SNTG1: variants seen among roughly 807,000 people sequenced by gnomAD.
SNTG1 encodes syntrophin gamma 1, also known as gamma-1-syntrophin.
A neutral mutation model predicts 74.7 loss-of-function variants in SNTG1; 39 were observed. The ratio of observed to expected loss-of-function variants is 0.52; its 90% CI spans 0.40 to 0.68. SNTG1 has a LOEUF of 0.68. Among genes scored for constraint, SNTG1 ranks in the 30% least tolerant of loss-of-function variants. The probability of loss-of-function intolerance (pLI) is 0.00; values close to 1 mark genes in which losing one functional copy is unlikely to be tolerated. For missense variants in SNTG1, 685 were observed against 609.5 expected (o/e 1.12, Z -1.30); for synonymous variants, 254 against 217.1 (o/e 1.17, Z -1.49).
intron 1 of SNTG1, among the ~76,000 whole-genome samples, chr8:50,088,693 T>G (rs894698574): frequency 2.2e-5 from 3 of 139,504 alleles, no homozygotes; most frequent in Admixed American, 7.7e-5. Context: ...GAATCCAACT[T>G]ACAAGGGATG....
intron 13 of SNTG1, among the ~76,000 whole-genome samples, chr8:50,631,790 A>G (rs1404360822): frequency 6.6e-6 from 1 of 152,208 alleles, no homozygotes; most frequent in African/African-American, 2.4e-5. Context: ...TCTATGGTTT[A>G]AGAGACCTAT....
intron 2 of SNTG1, among the ~76,000 whole-genome samples, chr8:50,300,079 A>G (rs888198405): frequency 6.6e-6 from 1 of 152,158 alleles, no homozygotes; most frequent in African/African-American, 2.4e-5. Flanking sequence ...TAGTTTTAGT[A>G]TCTCATTCAC....
At chr8:50,432,562 A>T (rs1350208391) in intron 4 of SNTG1, among the ~76,000 whole-genome samples, 1 of 152,160 alleles carries the variant, frequency 6.6e-6, no homozygotes, top group East Asian at 1.9e-4. Flanking sequence ...GCTTGCTGGG[A>T]TTTTTATTGG....
chr8:50,421,792 CTTAA>C (rs1223401307), intron 4 of SNTG1, among the ~76,000 whole-genome samples: 1 of 152,134 alleles, frequency 6.6e-6, no homozygotes, highest in African/African-American at 2.4e-5. Context: ...TACAGACTTA[CTTAA>C]TTAATGTGTA....
chr8:50,233,854 CCTA>C (rs1212889268), intron 2 of SNTG1, among the ~76,000 whole-genome samples: 2 of 151,780 alleles, frequency 1.3e-5, no homozygotes, highest in Non-Finnish European at 1.5e-5. Context: ...AATGTAATGT[CCTA>C]CAATGTTAGG....
At chr8:50,232,795 A>G (rs1362150316) in intron 2 of SNTG1, among the ~76,000 whole-genome samples, 1 of 151,606 alleles carries the variant, frequency 6.6e-6, no homozygotes, top group Non-Finnish European at 1.5e-5. Flanking sequence ...CTAGCAATAC[A>G]TTGAAACTAA....
chr8:50,632,335 G>C (rs1401879042), intron 13 of SNTG1, among the ~76,000 whole-genome samples: 1 of 135,316 alleles, frequency 7.4e-6, no homozygotes, highest in Non-Finnish European at 1.5e-5. Context: ...ATTTGAGAGA[G>C]GGTCTCACTC....
intron 13 of SNTG1, among the ~76,000 whole-genome samples, chr8:50,605,825 C>G (rs2094808139): frequency 6.6e-6 from 1 of 152,040 alleles, no homozygotes; most frequent in Admixed American, 6.6e-5. Flanking sequence ...ATTCAGCCAT[C>G]TTGCTCTGAC....
intron 2 of SNTG1, among the ~76,000 whole-genome samples, chr8:50,330,733 G>A (rs2090929832): frequency 6.6e-6 from 1 of 152,162 alleles, no homozygotes; most frequent in Non-Finnish European, 1.5e-5. Flanking sequence ...TTACAATCAT[G>A]GAAGAAGGGG....
intron 1 of SNTG1, among the ~76,000 whole-genome samples, chr8:50,055,479 C>T (rs1351574555): frequency 6.6e-6 from 1 of 151,912 alleles, no homozygotes; most frequent in African/African-American, 2.4e-5. Flanking sequence ...TGAAGAAGTC[C>T]CTCTCATGAG....
chr8:50,153,021 C>T lies in SNTG1; in HGVS notation c.-102-19540C>T, dbSNP rs909367992. The stretch of plus-strand genomic sequence containing the variant: ...GTGTTTTCCAACTTGGTTCTATTCT[C>T]CCCGTCACTTTCAGGTACACCAATC... On this transcript the variant is annotated intron_variant, in intron 1 of 18. Coordinates refer to ENST00000642720, the MANE Select transcript of SNTG1 (RefSeq NM_018967.5). Among the ~76,000 whole-genome samples the T allele has an allele frequency of 5.3e-5, 8 of 152,192 alleles. 1 individual carries two copies. The highest frequency in any genetic ancestry group is 2.0e-4 in the Admixed American group (3 of 15,280).
chr8:50,427,593 G>A (rs2093179533), intron 4 of SNTG1, among the ~76,000 whole-genome samples: 2 of 151,954 alleles, frequency 1.3e-5, no homozygotes, highest in Non-Finnish European at 2.9e-5. Flanking sequence ...GCTTAGCTAA[G>A]CTTTTTTATC....
At chr8:50,787,984 A>G (rs926522992) in intron 18 of SNTG1, among the ~76,000 whole-genome samples, 2 of 152,060 alleles carry the variant, frequency 1.3e-5, no homozygotes, top group African/African-American at 4.8e-5. Flanking sequence ...GGTGAGTATT[A>G]TAGTATGTGA....
At chr8:49,946,410 A>AT (rs1809194177) in intron 1 of SNTG1, among the ~76,000 whole-genome samples, 1 of 152,208 alleles carries the variant, frequency 6.6e-6, no homozygotes, top group Non-Finnish European at 1.5e-5. Flanking sequence ...TCTGGGAGAT[A>AT]CGTGTATGGT....
chr8:50,322,599 C>G (rs13265770), intron 2 of SNTG1, among the ~76,000 whole-genome samples: 3 of 151,836 alleles, frequency 2.0e-5, no homozygotes, highest in African/African-American at 7.3e-5. Context: ...GTTCTCTGCT[C>G]TTATTCCTTT....
intron 15 of SNTG1, among the ~76,000 whole-genome samples, chr8:50,688,328 G>T (rs541045255): frequency 6.6e-6 from 1 of 152,016 alleles, no homozygotes; most frequent in Non-Finnish European, 1.5e-5. Flanking sequence ...TGAAGTCCTC[G>T]CCCATGCCTA....
At chr8:50,322,011 A>G (rs752489436) in intron 2 of SNTG1, among the ~76,000 whole-genome samples, 1 of 152,096 alleles carries the variant, frequency 6.6e-6, no homozygotes, top group Non-Finnish European at 1.5e-5. Flanking sequence ...TTTTCTGTGT[A>G]CTTACTTTTA....
At chr8:50,353,072 G>A (rs2131015545) in intron 2 of SNTG1, among the ~76,000 whole-genome samples, 1 of 152,202 alleles carries the variant, frequency 6.6e-6, no homozygotes, top group South Asian at 2.1e-4. Context: ...ATACTATGCA[G>A]CCATAAAAAG....
Position 50,230,214 on chromosome 8 carries a change from G to A in SNTG1, c.-28+57579G>A, listed in dbSNP as rs868822846. On this transcript the variant is annotated intron_variant, in intron 2 of 18. Coordinates refer to ENST00000642720, the MANE Select transcript of SNTG1 (RefSeq NM_018967.5). ...AAAGCAACAGAAGAAAAGTAAAGCA[G>A]AAATCAATGAAACTGAAAACAGAAA... Among the ~76,000 whole-genome samples, 20 of 151,112 alleles carry A rather than the reference G, an allele frequency of 1.3e-4. No homozygotes were observed. The South Asian group carries it at 2.5e-3, about 19-fold the overall frequency.
Sources: gnomAD v4.1 joint callset for allele counts (sites outside exome capture counted in the v4.1 genomes callset) on GRCh38, gnomAD v4.1.1 for gene constraint, MANE v1.5 for transcripts, NCBI Gene and HGNC (gene_info 2026-07-23, HGNC 2026-07-21) for gene names.